The following CENPB variants were observed in gnomAD, a reference collection of about 807,000 sequenced individuals.
The protein encoded by CENPB is major centromere autoantigen B.
In CENPB, 19 loss-of-function variants were observed where a neutral mutation model predicts 41.9. That is an observed-to-expected ratio of 0.45 (90% CI 0.32 to 0.67). The LOEUF (loss-of-function observed/expected upper bound fraction) is 0.67. CENPB is among the 30% of genes least tolerant of loss of function. The pLI, the probability that CENPB is intolerant of heterozygous loss-of-function variation, is 0.04. For synonymous variants in CENPB, 399 were observed against 354.4 expected, an observed-to-expected ratio of 1.13 and a Z score of -1.41; for missense variants, 614 against 816.2, an observed-to-expected ratio of 0.75 and a Z score of 3.02.
In CENPB at chr20:3,786,012, C is replaced by A; in HGVS notation, c.472G>T (p.Ala158Ser). 1 of 1,445,706 alleles carries A rather than the reference C, an allele frequency of 6.9e-7. No homozygotes were observed. The highest frequency in any genetic ancestry group is 9.0e-7 in the Non-Finnish European group (1 of 1,112,920). 89.6% of individuals were successfully genotyped at this position (1,445,706 alleles called of 1,614,324 possible). ...PRTPAAPASP[A>S]AVPSEGSGGS... ...CCACTGCCCTCCGAGGGCACCGCGGCCGGACTGGCAGGCGCCGCCGGGGTG... is the reference window on the plus strand; with the variant it reads ...CCACTGCCCTCCGAGGGCACCGCGGACGGACTGGCAGGCGCCGCCGGGGTG... Residue 158 changes from alanine to serine, a missense_variant, in exon 1 of 1, where the codon GCC becomes TCC. Around this residue, in one of 2 missense-constraint regions of CENPB, gnomAD observed 537 missense variants for 629.4 expected, o/e 0.85. Transcript: ENST00000379751.
chr20:3,785,050 C>T lies in CENPB; in HGVS notation c.1434G>A (p.Gln478=), dbSNP rs754066175. 6.2e-7 allele frequency: 1 copy of T among 1,614,138 alleles called. No individual in the cohort carries two copies. Among genetic ancestry groups the T allele is most frequent in the Non-Finnish European group, 8.5e-7 (1 of 1,180,012 alleles). ...AGCTGCCACCGGCCTCCACTACTCC[C>T]TGGGCCCAGTCCTCAGCCTCCAAGC... ...SEGLEAEDWA[Q]GVVEAGGSFG... The change falls in exon 1 of 1, where the codon CAG becomes CAA. Residue 478 remains glutamine, a synonymous_variant. Transcript: ENST00000379751.
At position 3,786,306 on chromosome 20, in the gene CENPB, C is replaced by A; in HGVS notation, c.178G>T (p.Gly60Trp). 2 of 1,607,418 alleles carry A rather than the reference C, an allele frequency of 1.2e-6. No homozygotes were observed. The highest frequency in any genetic ancestry group is 1.7e-6 in the Non-Finnish European group (2 of 1,179,694). ...GTCTTGCGGCAGGTGGAGGCCACCC[C>A]GTACTTGCGCTCCGACGCCAGGATG... ...RAILASERKY[G>W]VASTCRKTNK... The change falls in exon 1 of 1, where the codon GGG (glycine) becomes TGG (tryptophan). Residue 60 changes from glycine (G) to tryptophan (W), a missense_variant. Around this residue, in one of 2 missense-constraint regions of CENPB, gnomAD observed 77 missense variants for 186.8 expected, o/e 0.41. Coordinates refer to ENST00000379751, the MANE Select transcript of CENPB (RefSeq NM_001810.6).
rs781321752 is a variant in CENPB at position 3,785,540 on chromosome 20, G to A, written c.944C>T (p.Ala315Val). 2.5e-6 allele frequency: 4 copies of A among 1,598,648 alleles called. No homozygotes were observed. The highest frequency in any genetic ancestry group is 2.7e-5 in the African/African-American group (2 of 74,662). ...DTSGLRHVQL[A>V]FFPPGTVHPL... Reference sequence around the variant, plus strand: ...ATGCACGGTGCCGGGAGGGAAGAAGGCCAGCTGCACATGCCGCAGGCCCGA... The same window carrying A: ...ATGCACGGTGCCGGGAGGGAAGAAGACCAGCTGCACATGCCGCAGGCCCGA... The change falls in exon 1 of 1, where the codon GCC becomes GTC. Residue 315 changes from alanine to valine, a missense_variant. By Grantham distance (64) the Ala-to-Val change is moderately conservative. This residue lies in a region of CENPB where 537 missense variants were observed against 629.4 expected (regional missense o/e 0.85). Coordinates refer to ENST00000379751, the MANE Select transcript of CENPB (RefSeq NM_001810.6).
At position 3,786,490 on chromosome 20, in the gene CENPB, G is replaced by T. The variant is rs200157177; in HGVS notation, c.-7C>A. On this transcript the variant is annotated 5_prime_UTR_variant, in exon 1 of 1. Coordinates refer to ENST00000379751, the MANE Select transcript of CENPB (RefSeq NM_001810.6). ...GTCGCCTCTTGGGGCCCATCCCGGC[G>T]CGCCCCCCGCCCCGGGGCCCGGCGC... The T allele has an allele frequency of 3.8e-6, 5 of 1,317,204 alleles. No homozygotes were observed. The African/African-American group carries it at 7.5e-5, about 20-fold the overall frequency. 81.6% of individuals were successfully genotyped at this position (1,317,204 alleles called of 1,614,324 possible).
rs777853235 is a variant in CENPB, at chr20:3,785,846, C to A, written c.638G>T (p.Gly213Val). ...GGCTTGACGCGGCCGTCCGTCGCCT[C>A]CGCACAGCCCCGCGGCCTGGTCGGG... ...FLPDQAAGLC[G>V]GDGRPRQATQ... The change falls in exon 1 of 1, where the codon GGA becomes GTA. Residue 213 changes from glycine to valine, a missense_variant. Gly to Val is a moderately radical substitution (Grantham distance 109). Coordinates refer to ENST00000379751, the MANE Select transcript of CENPB (RefSeq NM_001810.6). The A allele has an allele frequency of 6.6e-5, 106 of 1,608,942 alleles. No individual in the cohort carries two copies. Among genetic ancestry groups the A allele is most frequent in the Non-Finnish European group, 9.0e-5 (106 of 1,178,398 alleles).
chr20:3,784,637 GGGT>G lies in CENPB; in HGVS notation c.*44_*46del. The G allele has an allele frequency of 6.2e-7, 1 of 1,602,306 alleles. No homozygotes were observed. Among genetic ancestry groups the G allele is most frequent in the Middle Eastern group, 1.7e-4 (1 of 5,966 alleles). On this transcript the variant is annotated 3_prime_UTR_variant, in exon 1 of 1. Transcript: ENST00000379751. This position sits in a 1 kb window ranked among gnomAD's most constrained non-coding sequence, Gnocchi z 5.2. Reference sequence around the variant, plus strand: ...GGTGCCCAGAGAGTCCTCTGCCCTGGGGTGGTGCTGCCAATCTAGGTTGGGGGC... The same window carrying G: ...GGTGCCCAGAGAGTCCTCTGCCCTGGGGTGCTGCCAATCTAGGTTGGGGGC...
At position 3,784,219 on chromosome 20, in the gene CENPB, G is replaced by T; in HGVS notation, c.*465C>A. The T allele has an allele frequency of 5.8e-6, 1 of 173,590 alleles. No homozygotes were observed. Among genetic ancestry groups the T allele is most frequent in the Non-Finnish European group, 1.3e-5 (1 of 79,774 alleles). 10.8% of individuals were successfully genotyped at this position (173,590 alleles called of 1,614,324 possible). ...AGGCGGCCTGGGGGGTGGGGGTGGG[G>T]GCTGCCAGCCTTGCAGGGGGCCTAG... On this transcript the variant is annotated 3_prime_UTR_variant, in exon 1 of 1. Coordinates refer to ENST00000379751, the MANE Select transcript of CENPB (RefSeq NM_001810.6). This position sits in a 1 kb window ranked among gnomAD's most constrained non-coding sequence, Gnocchi z 5.2.
In CENPB at chr20:3,785,349, C is replaced by T; in HGVS notation, c.1135G>A (p.Asp379Asn). The change falls in exon 1 of 1, where the codon GAC becomes AAC. Residue 379 changes from aspartate (D) to asparagine (N), a missense_variant. Coordinates refer to ENST00000379751, the MANE Select transcript of CENPB (RefSeq NM_001810.6). ...GCCTCACGAAAGCAGGCGGCTATGTCCGAAGGCTCCACTGCCTGCCAGGCG... is the reference window on the plus strand; with the variant it reads ...GCCTCACGAAAGCAGGCGGCTATGTTCGAAGGCTCCACTGCCTGCCAGGCG... ...AAAWQAVEPS[D>N]IAACFREAGF... 2 of 1,602,358 alleles carry T rather than the reference C, an allele frequency of 1.2e-6. No individual in the cohort carries two copies. Among genetic ancestry groups the T allele is most frequent in the South Asian group, 1.1e-5 (1 of 89,462 alleles).
rs763658114 is a variant in CENPB, at chr20:3,785,771, T to C, written c.713A>G (p.Lys238Arg). Residue 238 changes from lysine (K) to arginine (R), a missense_variant, in exon 1 of 1, where the codon AAG becomes AGG. Transcript: ENST00000379751. ...LLCANADGSE[K>R]LPPLVAGKSA... ...CTTGCCGGCCACCAGCGGGGGCAGC[T>C]TCTCGCTGCCGTCGGCATTGGCGCA... 1.2e-6 allele frequency: 2 copies of C among 1,609,316 alleles called. No homozygotes were observed. Among genetic ancestry groups the C allele is most frequent in the South Asian group, 1.1e-5 (1 of 90,854 alleles).
In CENPB at chr20:3,786,041, G is replaced by A; in HGVS notation, c.443C>T (p.Pro148Leu). ...VARARARNAA[P>L]RTPAAPASPA... ...ACTGGCAGGCGCCGCCGGGGTGCGG[G>A]GGGCAGCGTTTCGCGCGCGGGCGCG... The change falls in exon 1 of 1, where the codon CCC (proline) becomes CTC (leucine). Residue 148 changes from proline (P) to leucine (L), a missense_variant. By Grantham distance (98) the Pro-to-Leu change is moderately conservative. Transcript: ENST00000379751. 1 of 1,470,800 alleles carries A rather than the reference G, an allele frequency of 6.8e-7. No homozygotes were observed. The highest frequency in any genetic ancestry group is 1.4e-5 in the South Asian group (1 of 73,196). 91.1% of individuals were successfully genotyped at this position (1,470,800 alleles called of 1,614,324 possible).
chr20:3,786,127 G>A lies in CENPB; in HGVS notation c.357C>T (p.Ser119=), dbSNP rs2088822388. ...EELGMDDFTA[S]NGWLDRFRRR... Reference sequence around the variant, plus strand: ...GGCGGAAGCGGTCCAGCCAGCCGTTGGAGGCGGTGAAGTCGTCCATGCCCA... The same window carrying A: ...GGCGGAAGCGGTCCAGCCAGCCGTTAGAGGCGGTGAAGTCGTCCATGCCCA... The change falls in exon 1 of 1, where the codon TCC becomes TCT. Residue 119 remains serine, a synonymous_variant. Coordinates refer to ENST00000379751, the MANE Select transcript of CENPB (RefSeq NM_001810.6). 6.3e-7 allele frequency: 1 copy of A among 1,597,032 alleles called. No homozygotes were observed. The highest frequency in any genetic ancestry group is 8.5e-7 in the Non-Finnish European group (1 of 1,178,878).
At position 3,785,676 on chromosome 20, in the gene CENPB, T is replaced by C; in HGVS notation, c.808A>G (p.Thr270Ala). 6.2e-7 allele frequency: 1 copy of C among 1,609,412 alleles called. No homozygotes were observed. Among genetic ancestry groups the C allele is most frequent in the Non-Finnish European group, 8.5e-7 (1 of 1,178,060 alleles). ...DYTANSKGGV[T>A]TQALAKYLKA... ...AAGTACTTGGCCAGGGCCTGGGTGG[T>C]GACACCACCCTTGGAGTTGGCGGTG... The change falls in exon 1 of 1, where the codon ACC becomes GCC. Residue 270 changes from threonine to alanine, a missense_variant. By Grantham distance (58) the Thr-to-Ala change is moderately conservative (BLOSUM62 0). Around this residue, in one of 2 missense-constraint regions of CENPB, gnomAD observed 537 missense variants for 629.4 expected, o/e 0.85. Transcript: ENST00000379751.
chr20:3,786,359 A>G lies in CENPB; in HGVS notation c.125T>C (p.Leu42Pro). ...ARRFNIPPST[L>P]STILKNKRAI... ...GCGCTTGTTCTTCAGGATCGTGCTC[A>G]GCGTGGACGGCGGGATGTTGAAGCG... is the stretch of plus-strand genomic sequence containing the variant. The change falls in exon 1 of 1, where the codon CTG becomes CCG. Residue 42 changes from leucine to proline, a missense_variant. Leu to Pro is a moderately conservative substitution (Grantham distance 98). Transcript: ENST00000379751. 1 of 1,605,746 alleles carries G rather than the reference A, an allele frequency of 6.2e-7. No individual in the cohort carries two copies. Among genetic ancestry groups the G allele is most frequent in the Non-Finnish European group, 8.5e-7 (1 of 1,179,578 alleles).
rs746672705 is a variant in CENPB at position 3,786,121 on chromosome 20, G to A, written c.363C>T (p.Gly121=). 3 of 1,596,556 alleles carry A rather than the reference G, an allele frequency of 1.9e-6. No homozygotes were observed. The highest frequency in any genetic ancestry group is 2.5e-6 in the Non-Finnish European group (3 of 1,178,774). ...GGCGCCGGCGGAAGCGGTCCAGCCA[G>A]CCGTTGGAGGCGGTGAAGTCGTCCA... ...LGMDDFTASN[G]WLDRFRRRHG... The change falls in exon 1 of 1, where the codon GGC becomes GGT. Residue 121 remains glycine (G), a synonymous_variant. Transcript: ENST00000379751.
chr20:3,785,033 C>A lies in CENPB; in HGVS notation c.1451G>T (p.Gly484Val). 6.2e-7 allele frequency: 1 copy of A among 1,614,140 alleles called. No homozygotes were observed. The highest frequency in any genetic ancestry group is 8.5e-7 in the Non-Finnish European group (1 of 1,180,026). Reference protein sequence around the residue: ...EDWAQGVVEAGGSFGAYGAQE... With the variant: ...EDWAQGVVEAVGSFGAYGAQE... ...GGCACCATAAGCCCCGAAGCTGCCA[C>A]CGGCCTCCACTACTCCCTGGGCCCA... Residue 484 changes from glycine (G) to valine (V), a missense_variant, in exon 1 of 1, where the codon GGT (glycine) becomes GTT (valine). Coordinates refer to ENST00000379751, the MANE Select transcript of CENPB (RefSeq NM_001810.6).
In CENPB at chr20:3,784,413, C is replaced by G. The variant is rs2146639340; in HGVS notation, c.*271G>C. 1 of 467,624 alleles carries G rather than the reference C, an allele frequency of 2.1e-6. No individual in the cohort carries two copies. The highest frequency in any genetic ancestry group is 3.9e-6 in the Non-Finnish European group (1 of 255,912). 29.0% of individuals were successfully genotyped at this position (467,624 alleles called of 1,614,324 possible). On this transcript the variant is annotated 3_prime_UTR_variant, in exon 1 of 1. Transcript: ENST00000379751. This position sits in a 1 kb window ranked among gnomAD's most constrained non-coding sequence, Gnocchi z 5.2. Reference sequence around the variant, plus strand: ...GAGGGCACGGTGTGGTAGCACCGGACAGCTCCCCACCCGCCCCACCTGGTC... The same window carrying G: ...GAGGGCACGGTGTGGTAGCACCGGAGAGCTCCCCACCCGCCCCACCTGGTC...
rs753304095 is a variant in CENPB, at chr20:3,785,358, C to T, written c.1126G>A (p.Glu376Lys). Residue 376 changes from glutamate (E) to lysine (K), a missense_variant, in exon 1 of 1, where the codon GAG becomes AAG. Physicochemically the swap from Glu to Lys is moderately conservative, Grantham distance 56 (BLOSUM62 1). Coordinates refer to ENST00000379751, the MANE Select transcript of CENPB (RefSeq NM_001810.6). ...HFVAAAWQAV[E>K]PSDIAACFRE... ...AAGCAGGCGGCTATGTCCGAAGGCT[C>T]CACTGCCTGCCAGGCGGCAGCCACA... 7 of 1,601,614 alleles carry T rather than the reference C, an allele frequency of 4.4e-6. No individual in the cohort carries two copies. The highest frequency in any genetic ancestry group is 2.2e-5 in the South Asian group (2 of 89,436).
Position 3,784,558 on chromosome 20 carries a change from G to T in CENPB, c.*126C>A. 6.9e-6 allele frequency: 8 copies of T among 1,159,216 alleles called. No individual in the cohort carries two copies. The highest frequency in any genetic ancestry group is 2.2e-5 in the Admixed American group (1 of 45,442). The allele number at this position is 1,159,216 out of a possible 1,614,324, so 71.8% of individuals were successfully genotyped here. A position where few individuals can be genotyped will look rare whatever the true frequency, so the allele number is the denominator to read the frequency against. On this transcript the variant is annotated 3_prime_UTR_variant, in exon 1 of 1. Coordinates refer to ENST00000379751, the MANE Select transcript of CENPB (RefSeq NM_001810.6). The surrounding 1 kb of genome is among the most constrained non-coding windows in gnomAD (Gnocchi z 5.2). ...GGTGACCGGGCCTGTTGCAGGACCA[G>T]GGGAAGCATTACTAAAGGATCTGGG... is the stretch of plus-strand genomic sequence containing the variant.
In CENPB at chr20:3,785,707, G is replaced by A. The variant is rs779076973; in HGVS notation, c.777C>T (p.Cys259=). Residue 259 remains cysteine (C), a synonymous_variant, in exon 1 of 1, where the codon TGC becomes TGT. Coordinates refer to ENST00000379751, the MANE Select transcript of CENPB (RefSeq NM_001810.6). ...KPRAGQAGLP[C]DYTANSKGGV... Reference sequence around the variant, plus strand: ...CACCCTTGGAGTTGGCGGTGTAGTCGCAGGGCAGGCCGGCTTGGCCTGCGC... The same window carrying A: ...CACCCTTGGAGTTGGCGGTGTAGTCACAGGGCAGGCCGGCTTGGCCTGCGC... 10 of 1,608,532 alleles carry A rather than the reference G, an allele frequency of 6.2e-6. No individual in the cohort carries two copies. The South Asian group carries it at 1.1e-4, about 18-fold the overall frequency.
Sources: allele counts gnomAD v4.1 joint callset, GRCh38; gene constraint gnomAD v4.1.1; regional missense constraint gnomAD v4.1.1; non-coding constraint Gnocchi (gnomAD v3.1); transcripts MANE v1.5; gene names NCBI Gene and HGNC (gene_info 2026-07-23, HGNC 2026-07-21).